The following AOAH variants were observed in gnomAD, a reference collection of about 807,000 sequenced individuals.
AOAH encodes the protein acyloxyacyl hydrolase.
In AOAH, 64 loss-of-function variants were observed where a neutral mutation model predicts 92.2. The ratio of observed to expected loss-of-function variants is 0.69; its 90% CI spans 0.57 to 0.86. The LOEUF (loss-of-function observed/expected upper bound fraction) is 0.86. AOAH is among the 40% of genes least tolerant of loss of function. The pLI is 0.00. For synonymous variants in AOAH, 263 were observed against 254.5 expected (o/e 1.03, Z -0.32); for missense variants, 656 against 694.6 (o/e 0.94, Z 0.62).
At chr7:36,644,742 TTC>T (rs1186368892) in intron 4 of AOAH, among the ~76,000 whole-genome samples, 1 of 152,202 alleles carries the variant, frequency 6.6e-6, no homozygotes, top group Admixed American at 6.5e-5. Context: ...AGTGATCAAG[TTC>T]TCTGTTATCA....
At chr7:36,669,735 G>T (rs1486538816) in intron 3 of AOAH, among the ~76,000 whole-genome samples, 2 of 152,088 alleles carry the variant, frequency 1.3e-5, no homozygotes, top group African/African-American at 4.8e-5. Context: ...TACATCTAAG[G>T]TATACCATAA....
chr7:36,583,585 G>A (rs1226928619), intron 12 of AOAH, among the ~76,000 whole-genome samples: 1 of 152,206 alleles, frequency 6.6e-6, no homozygotes. Flanking sequence ...TAATTATGCA[G>A]AGGTGAGGAT....
chr7:36,656,462 G>C (rs1406838967), intron 4 of AOAH, among the ~76,000 whole-genome samples: 1 of 152,120 alleles, frequency 6.6e-6, no homozygotes, highest in East Asian at 1.9e-4. Flanking sequence ...CCCGCCCTTA[G>C]TAGGTAATGT....
chr7:36,514,478 G>A (rs1261635659), intron 20 of AOAH: 4 of 1,534,878 alleles, frequency 2.6e-6, no homozygotes, highest in African/African-American at 2.7e-5. Context: ...TTACTCTCTG[G>A]TTCTGCTGTC....
intron 16 of AOAH, among the ~76,000 whole-genome samples, 154 bp from the exon 17 acceptor site, chr7:36,532,498 G>A (rs1011761753): frequency 5.9e-5 from 9 of 152,178 alleles, no homozygotes; most frequent in African/African-American, 2.2e-4. Flanking sequence ...GAATGCCTGT[G>A]CTTTCCTCCT....
chr7:36,665,757 A>G (rs895251582), intron 3 of AOAH, among the ~76,000 whole-genome samples: 2 of 152,050 alleles, frequency 1.3e-5, no homozygotes, highest in African/African-American at 4.8e-5. Context: ...TTAAATCACA[A>G]ATGAATATTG....
intron 3 of AOAH, 151 bp from the exon 4 acceptor site, chr7:36,659,416 C>T (rs1449863799): frequency 1.4e-5 from 9 of 642,400 alleles, no homozygotes; most frequent in Non-Finnish European, 2.5e-5. Context: ...CGGGGAGCTG[C>T]TGGATGGTAA....
intron 13 of AOAH, among the ~76,000 whole-genome samples, chr7:36,553,806 C>A (rs1301992484): frequency 6.6e-6 from 1 of 152,076 alleles, no homozygotes; most frequent in Non-Finnish European, 1.5e-5. Context: ...CTGTTCATAT[C>A]CTTTGCCCAC....
At chr7:36,640,520 C>T (rs1793832888) in intron 4 of AOAH, among the ~76,000 whole-genome samples, 1 of 152,118 alleles carries the variant, frequency 6.6e-6, no homozygotes, top group African/African-American at 2.4e-5. Context: ...CCAGCACAGA[C>T]AGAGTGGCTG....
At chr7:36,656,206 C>T (rs1299614642) in intron 4 of AOAH, among the ~76,000 whole-genome samples, 1 of 152,142 alleles carries the variant, frequency 6.6e-6, no homozygotes, top group African/African-American at 2.4e-5. Flanking sequence ...TGGGGGAATT[C>T]TACATGAAAT....
chr7:36,636,786 G>A (rs1394928843), intron 5 of AOAH, among the ~76,000 whole-genome samples: 2 of 152,102 alleles, frequency 1.3e-5, no homozygotes, highest in African/African-American at 2.4e-5. Flanking sequence ...AACACTATTC[G>A]TTGTTTATCT....
intron 13 of AOAH, among the ~76,000 whole-genome samples, chr7:36,568,066 G>T (rs1419216690): frequency 6.6e-6 from 1 of 152,226 alleles, no homozygotes; most frequent in Non-Finnish European, 1.5e-5. Context: ...AACCCAAAGG[G>T]GCAGTTAGAA....
At chr7:36,559,187 T>C (rs1346564434) in intron 13 of AOAH, among the ~76,000 whole-genome samples, 1 of 152,264 alleles carries the variant, frequency 6.6e-6, no homozygotes, top group Admixed American at 6.5e-5. Flanking sequence ...TCTTTGCTAT[T>C]GTGAATAGTG....
At chr7:36,701,350 T>G (rs376431066) in intron 1 of AOAH, among the ~76,000 whole-genome samples, 3 of 151,956 alleles carry the variant, frequency 2.0e-5, no homozygotes, top group South Asian at 4.1e-4. Context: ...TGTTTAATTC[T>G]ATCGATTAAG....
intron 11 of AOAH, among the ~76,000 whole-genome samples, chr7:36,609,094 T>C (rs1791229031): frequency 6.6e-6 from 1 of 152,028 alleles, no homozygotes; most frequent in Non-Finnish European, 1.5e-5. Flanking sequence ...CCCAACCCGG[T>C]GAGTCATCTG....
chr7:36,540,713 C>G (rs1785371645), intron 15 of AOAH, among the ~76,000 whole-genome samples: 1 of 152,208 alleles, frequency 6.6e-6, no homozygotes, highest in African/African-American at 2.4e-5. Flanking sequence ...GTGACTAGTT[C>G]TAACCAATGA....
chr7:36,658,326 T>C (rs1455207228), intron 4 of AOAH, among the ~76,000 whole-genome samples: 1 of 152,106 alleles, frequency 6.6e-6, no homozygotes, highest in East Asian at 1.9e-4. Context: ...GAAATTACAA[T>C]TAAAATAGAA....
At chr7:36,585,818 C>T (rs551267559) in intron 12 of AOAH, among the ~76,000 whole-genome samples, 208 of 152,246 alleles carry the variant, frequency 1.4e-3, no homozygotes, top group African/African-American at 4.7e-3. Flanking sequence ...ACAGGGCTTT[C>T]TTCTAAGAAA....
chr7:36,637,812 C>T (rs369344842), intron 5 of AOAH, 39 bp downstream of exon 5: 2 of 1,598,398 alleles, frequency 1.3e-6, no homozygotes, highest in Admixed American at 1.7e-5. Context: ...AGAGGACATG[C>T]CAAGGAAAAG....
Sources: allele counts gnomAD v4.1 joint callset (sites outside exome capture counted in the v4.1 genomes callset), GRCh38; gene constraint gnomAD v4.1.1; transcripts MANE v1.5; gene names NCBI Gene and HGNC (gene_info 2026-07-23, HGNC 2026-07-21).